The following RBMS3 variants were observed in gnomAD, a reference collection of about 807,000 sequenced individuals.
RBMS3 encodes the protein RNA binding motif single stranded interacting protein 3.
Under a neutral mutation model 66.8 loss-of-function variants are expected in RBMS3, and 27 were observed. The ratio of observed to expected loss-of-function variants is 0.40; its 90% CI spans 0.30 to 0.56. The LOEUF (loss-of-function observed/expected upper bound fraction) is 0.56. RBMS3 is among the 20% of genes least tolerant of loss of function. The probability of loss-of-function intolerance (pLI) is 0.40; values close to 1 mark genes in which losing one functional copy is unlikely to be tolerated. For synonymous variants in RBMS3, 188 were observed against 183.0 expected (o/e 1.03, Z -0.22); for missense variants, 513 against 549.5 (o/e 0.93, Z 0.66).
At chr3:29,336,462 A>G (rs2035953767) in intron 1 of RBMS3, among the ~76,000 whole-genome samples, 1 of 152,132 alleles carries the variant, frequency 6.6e-6, no homozygotes, top group South Asian at 2.1e-4. Context: ...TTTAGATGAA[A>G]AAAAAAACCA....
At chr3:29,858,948 T>C (rs753378563) in intron 6 of RBMS3, among the ~76,000 whole-genome samples, 1 of 152,214 alleles carries the variant, frequency 6.6e-6, no homozygotes, top group African/African-American at 2.4e-5. Flanking sequence ...TTATCGTCAC[T>C]GTGGGGCATT....
chr3:29,321,656 T>C (rs113042170), intron 1 of RBMS3, among the ~76,000 whole-genome samples: 147 of 152,292 alleles, frequency 9.7e-4, no homozygotes, highest in Non-Finnish European at 1.8e-3. Context: ...ACCAATTTTA[T>C]TCTCAATAGC....
At chr3:29,436,783 A>G (rs1279622213) in intron 2 of RBMS3, among the ~76,000 whole-genome samples, 1 of 152,224 alleles carries the variant, frequency 6.6e-6, no homozygotes, top group Admixed American at 6.5e-5. Context: ...CCAAGGAATT[A>G]TGATTCACTA....
rs71295051 is a variant in RBMS3 at position 29,796,712 on chromosome 3, C to CTTTTTTTTTTTTTTTTT, written c.637+33724_637+33740dup. 9.2e-4 allele frequency among the ~76,000 whole-genome samples: 106 copies of CTTTTTTTTTTTTTTTTT among 115,268 alleles called. 11 individuals carry two copies. The highest frequency in any genetic ancestry group is 3.6e-3 in the African/African-American group (98 of 27,138). 75.6% of individuals were successfully genotyped at this position (115,268 alleles called of 152,430 possible). ...TGAGAAGTAATATTTTGAAAGGAAT[C>CTTTTTTTTTTTTTTTTT]TTTTTTTTTTTTTTTTTGGAGATGG... On this transcript the variant is annotated intron_variant, in intron 6 of 14. Transcript: ENST00000383767.
intron 3 of RBMS3, among the ~76,000 whole-genome samples, chr3:29,498,786 C>G (rs1480632823): frequency 6.6e-6 from 1 of 152,120 alleles, no homozygotes; most frequent in Non-Finnish European, 1.5e-5. Flanking sequence ...TGGATACCTT[C>G]TAGGAACCAA....
At chr3:29,756,648 A>C (rs2055427475) in intron 5 of RBMS3, among the ~76,000 whole-genome samples, 2 of 152,156 alleles carry the variant, frequency 1.3e-5, no homozygotes. Context: ...CTACAATTCA[A>C]GATGAGATTT....
rs1171508040 is a variant in RBMS3, at chr3:29,457,395, T to C, written c.248+22480T>C. Among the ~76,000 whole-genome samples the C allele has an allele frequency of 2.0e-5, 3 of 152,136 alleles. No homozygotes were observed. In the South Asian group the frequency reaches 6.2e-4, roughly 32 times the overall value. On this transcript the variant is annotated intron_variant, in intron 2 of 14. Coordinates refer to ENST00000383767, the MANE Select transcript of RBMS3 (RefSeq NM_001003793.3). ...AACCAACTTCTCATGTTGTCAACCA[T>C]ATAATTTTACCGGTAAGCCCAGAAC...
At chr3:29,751,804 C>T (rs1028847266) in intron 5 of RBMS3, among the ~76,000 whole-genome samples, 23 of 152,172 alleles carry the variant, frequency 1.5e-4, no homozygotes, top group African/African-American at 5.5e-4. Context: ...AGCACTCAAA[C>T]CCCTTGTGGG....
At chr3:29,957,941 C>T (rs78720179) in intron 12 of RBMS3, among the ~76,000 whole-genome samples, 348 of 152,266 alleles carry the variant, frequency 2.3e-3, no homozygotes, top group Non-Finnish European at 4.1e-3. Context: ...TCAGGTGCCT[C>T]ACCATCATTG....
chr3:29,290,503 C>G (rs766995775), intron 1 of RBMS3, among the ~76,000 whole-genome samples: 29 of 151,700 alleles, frequency 1.9e-4, no homozygotes, highest in Admixed American at 3.9e-4. Flanking sequence ...ATGGATTAAC[C>G]CTGGTATCCT....
chr3:29,789,377 A>G (rs1267138253), intron 6 of RBMS3, among the ~76,000 whole-genome samples: 2 of 152,072 alleles, frequency 1.3e-5, no homozygotes, highest in Non-Finnish European at 2.9e-5. Context: ...GAAGCCATCT[A>G]GAATTTATTT....
At chr3:29,715,173 A>G (rs1232275831) in intron 4 of RBMS3, among the ~76,000 whole-genome samples, 1 of 152,126 alleles carries the variant, frequency 6.6e-6, no homozygotes, top group African/African-American at 2.4e-5. Context: ...TCCTCCAGTC[A>G]GGCAAGATTT....
intron 3 of RBMS3, 62 bp downstream of exon 3, chr3:29,488,561 C>T (rs2043410595): frequency 6.9e-7 from 1 of 1,453,978 alleles, no homozygotes. Context: ...ATGGTTCTTC[C>T]ATTGTGGAGG....
intron 1 of RBMS3, among the ~76,000 whole-genome samples, chr3:29,368,644 A>G (rs1025766249): frequency 1.3e-5 from 2 of 150,442 alleles, no homozygotes; most frequent in African/African-American, 4.9e-5. Flanking sequence ...AGTTTGTGAC[A>G]GTCTCAATTT....
intron 4 of RBMS3, among the ~76,000 whole-genome samples, chr3:29,604,292 A>C (rs2048247731): frequency 6.6e-6 from 1 of 151,992 alleles, no homozygotes; most frequent in South Asian, 2.1e-4. Flanking sequence ...CTATATGATT[A>C]CTTATTGGAA....
chr3:29,689,131 A>G (rs569364094), intron 4 of RBMS3, among the ~76,000 whole-genome samples: 69 of 142,428 alleles, frequency 4.8e-4, no homozygotes, highest in Admixed American at 1.3e-3. Context: ...AGATATAGAT[A>G]TATTGGCTTC....
chr3:29,863,883 C>T (rs377058373), intron 6 of RBMS3, among the ~76,000 whole-genome samples: 4 of 151,940 alleles, frequency 2.6e-5, no homozygotes, highest in East Asian at 1.9e-4. Flanking sequence ...TTATGCCAGT[C>T]GGTAGAAGAA....
intron 1 of RBMS3, among the ~76,000 whole-genome samples, chr3:29,335,973 G>A (rs942103063): frequency 4.6e-5 from 7 of 151,894 alleles, no homozygotes; most frequent in African/African-American, 1.7e-4. Flanking sequence ...CAATTCTTAG[G>A]ACTGGGCCTG....
chr3:29,974,819 T>C (rs2149768028), intron 12 of RBMS3, among the ~76,000 whole-genome samples: 1 of 145,220 alleles, frequency 6.9e-6, no homozygotes, highest in South Asian at 2.1e-4. Context: ...ATTTTATATA[T>C]AAAATACGTT....
Sources: allele counts gnomAD v4.1 joint callset (sites outside exome capture counted in the v4.1 genomes callset), GRCh38; gene constraint gnomAD v4.1.1; transcripts MANE v1.5; gene names NCBI Gene and HGNC (gene_info 2026-07-23, HGNC 2026-07-21).